Variants in KIAA1328 observed in about 807,000 individuals in gnomAD.
KIAA1328 encodes the protein protein hinderin.
A neutral mutation model predicts 68.1 loss-of-function variants in KIAA1328; 52 were observed. That is an observed-to-expected ratio of 0.76 (90% CI 0.61 to 0.96). The LOEUF is 0.96. Among genes scored for constraint, KIAA1328 ranks in the 40% least tolerant of loss-of-function variants. The probability of loss-of-function intolerance (pLI) is 0.00; values close to 1 mark genes in which losing one functional copy is unlikely to be tolerated. For synonymous variants in KIAA1328, 232 were observed against 239.4 expected, an observed-to-expected ratio of 0.97 and a Z score of 0.28; for missense variants, 641 against 677.6, an observed-to-expected ratio of 0.95 and a Z score of 0.60.
At chr18:37,117,138 T>A (rs969025580) in intron 7 of KIAA1328, among the ~76,000 whole-genome samples, 2 of 152,164 alleles carry the variant, frequency 1.3e-5, no homozygotes, top group Non-Finnish European at 2.9e-5. Context: ...AAATACCATT[T>A]GACCCGGCCA....
chr18:37,144,170 T>C (rs2058843433), intron 7 of KIAA1328, among the ~76,000 whole-genome samples: 1 of 152,300 alleles, frequency 6.6e-6, no homozygotes, highest in African/African-American at 2.4e-5. Flanking sequence ...AAAAAATGTG[T>C]GCATTCATTT....
chr18:37,229,687 A>C (rs2154228323), downstream of KIAA1328: 6 of 437,292 alleles, frequency 1.4e-5, no homozygotes, highest in South Asian at 1.2e-4. Context: ...ATCCTGGCTA[A>C]CACGGTGAAA....
chr18:37,006,886 T>C (rs1485305434), intron 6 of KIAA1328, among the ~76,000 whole-genome samples: 1 of 152,196 alleles, frequency 6.6e-6, no homozygotes, highest in Non-Finnish European at 1.5e-5. Flanking sequence ...TAACAAATGG[T>C]AGCTGTTGCT....
chr18:36,887,142 TTCA>T (rs1387870253), intron 5 of KIAA1328, among the ~76,000 whole-genome samples: 1 of 151,058 alleles, frequency 6.6e-6, no homozygotes, highest in African/African-American at 2.4e-5. Context: ...CCACTTTGAC[TTCA>T]TTGCCCTTGG....
chr18:36,918,350 G>T (rs1300883278), intron 5 of KIAA1328, among the ~76,000 whole-genome samples: 1 of 150,036 alleles, frequency 6.7e-6, no homozygotes, highest in African/African-American at 2.4e-5. Flanking sequence ...ATTTACTTTG[G>T]GCTTAATTTG....
intron 8 of KIAA1328, among the ~76,000 whole-genome samples, chr18:37,161,477 T>G (rs2059278103): frequency 6.6e-6 from 1 of 152,256 alleles, no homozygotes; most frequent in South Asian, 2.1e-4. Flanking sequence ...AAGTACATTT[T>G]GTTAGACATA....
chr18:36,927,354 C>T (rs1281170093), intron 5 of KIAA1328, among the ~76,000 whole-genome samples: 2 of 152,134 alleles, frequency 1.3e-5, no homozygotes, highest in East Asian at 3.8e-4. Context: ...TTAAAATAAT[C>T]ATAGCACTAT....
At chr18:37,078,069 C>T (rs1337978959) in intron 7 of KIAA1328, among the ~76,000 whole-genome samples, 1 of 152,210 alleles carries the variant, frequency 6.6e-6, no homozygotes, top group Admixed American at 6.5e-5. Flanking sequence ...TGCTACCTGA[C>T]TTCAAAGTAT....
chr18:36,983,917 C>T (rs2052800072), intron 6 of KIAA1328, among the ~76,000 whole-genome samples: 1 of 151,954 alleles, frequency 6.6e-6, no homozygotes, highest in Non-Finnish European at 1.5e-5. Context: ...TTATTTAGTG[C>T]CATTTACTAC....
chr18:36,880,438 C>A (rs2048292739), intron 4 of KIAA1328, among the ~76,000 whole-genome samples: 1 of 152,236 alleles, frequency 6.6e-6, no homozygotes. Flanking sequence ...CTCACTGGAG[C>A]TGCAGACCAG....
intron 5 of KIAA1328, among the ~76,000 whole-genome samples, chr18:36,930,003 G>A (rs535270147): frequency 6.6e-6 from 1 of 152,062 alleles, no homozygotes; most frequent in African/African-American, 2.4e-5. Context: ...GCAGAGTTTT[G>A]TACACATGTA....
In KIAA1328 at chr18:36,912,391, C is replaced by A. The variant is rs185978716; in HGVS notation, c.448+26719C>A. Among the ~76,000 whole-genome samples the A allele has an allele frequency of 5.9e-5, 9 of 152,266 alleles. No individual in the cohort carries two copies. In the East Asian group the frequency reaches 1.7e-3, roughly 29 times the overall value. Reference sequence around the variant, plus strand: ...TCTGTATCACTTCAACATCTAACATCATCACATCTCCTTTTCTGACTCTCT... The same window carrying A: ...TCTGTATCACTTCAACATCTAACATAATCACATCTCCTTTTCTGACTCTCT... On this transcript the variant is annotated intron_variant, in intron 5 of 9. Coordinates refer to ENST00000280020, the MANE Select transcript of KIAA1328 (RefSeq NM_020776.3).
At chr18:36,858,067 A>G (rs1445776879) in intron 4 of KIAA1328, among the ~76,000 whole-genome samples, 1 of 152,106 alleles carries the variant, frequency 6.6e-6, no homozygotes, top group Non-Finnish European at 1.5e-5. Flanking sequence ...CTTTCTCTTT[A>G]TATATGGTAT....
chr18:37,122,950 A>G (rs1207127292), intron 7 of KIAA1328, among the ~76,000 whole-genome samples: 1 of 152,186 alleles, frequency 6.6e-6, no homozygotes, highest in Non-Finnish European at 1.5e-5. Flanking sequence ...CTGTTAGGGT[A>G]TTGAAGTAGT....
At chr18:36,830,308 G>A (rs763093520) in intron 1 of KIAA1328, among the ~76,000 whole-genome samples, 6 of 152,168 alleles carry the variant, frequency 3.9e-5, no homozygotes, top group Non-Finnish European at 8.8e-5. Context: ...GTCTCTGATA[G>A]GTTGGTGAAA....
At chr18:37,091,655 C>G (rs2057271148) in intron 7 of KIAA1328, among the ~76,000 whole-genome samples, 1 of 152,170 alleles carries the variant, frequency 6.6e-6, no homozygotes, top group Non-Finnish European at 1.5e-5. Context: ...AAACTATATT[C>G]TGCCTTAGGT....
chr18:37,007,419 G>T (rs2053823014), intron 6 of KIAA1328, among the ~76,000 whole-genome samples: 1 of 152,136 alleles, frequency 6.6e-6, no homozygotes. Context: ...TTTAATATCA[G>T]TATAGTGCTT....
chr18:37,208,187 C>T (rs1393529727), intron 9 of KIAA1328, among the ~76,000 whole-genome samples: 1 of 152,166 alleles, frequency 6.6e-6, no homozygotes, highest in Admixed American at 6.5e-5. Flanking sequence ...TTACCACCTT[C>T]CCTCCTCCCC....
At chr18:36,913,234 T>A (rs1456518090) in intron 5 of KIAA1328, among the ~76,000 whole-genome samples, 2 of 151,924 alleles carry the variant, frequency 1.3e-5, no homozygotes. Flanking sequence ...GAAGAACTTT[T>A]GGGGCCTAGT....
Sources: allele counts gnomAD v4.1 joint callset (sites outside exome capture counted in the v4.1 genomes callset), GRCh38; gene constraint gnomAD v4.1.1; transcripts MANE v1.5; gene names NCBI Gene and HGNC (gene_info 2026-07-23, HGNC 2026-07-21).